Variants in XKR9 observed in about 807,000 individuals in gnomAD.
XKR9 encodes the protein XK-related protein 9.
A neutral mutation model predicts 32.0 loss-of-function variants in XKR9; 32 were observed. The ratio of observed to expected loss-of-function variants is 1.00; its 90% confidence interval spans 0.76 to 1.34. The LOEUF is 1.34. XKR9 is among the 40% of genes most tolerant of loss of function. XKR9 has a pLI of 0.00. For synonymous variants in XKR9, 168 were observed against 143.4 expected (o/e 1.17, Z -1.22); for missense variants, 546 against 429.7 (o/e 1.27, Z -2.39).
intron 2 of XKR9, among the ~76,000 whole-genome samples, chr8:70,768,710 G>T (rs1807411404): frequency 6.7e-6 from 1 of 149,144 alleles, no homozygotes; most frequent in Non-Finnish European, 1.5e-5. Flanking sequence ...GATCTTTGTT[G>T]GTTTAAAGTC....
At chr8:70,815,975 A>G in the XKR9 span, among the ~76,000 whole-genome samples, 2 of 152,066 alleles carry the variant, frequency 1.3e-5, no homozygotes, top group African/African-American at 4.8e-5. Flanking sequence ...TGTCTTTATA[A>G]TAGAACAATT....
downstream of XKR9, among the ~76,000 whole-genome samples, chr8:70,737,195 G>C (rs1261146543): frequency 6.8e-6 from 1 of 147,736 alleles, no homozygotes; most frequent in Non-Finnish European, 1.5e-5. Context: ...TCCCTTGTAA[G>C]TTGGATTCCT....
intron 3 of XKR9, among the ~76,000 whole-genome samples, chr8:70,704,257 A>C (rs752613850): frequency 2.0e-5 from 3 of 152,196 alleles, no homozygotes; most frequent in Non-Finnish European, 4.4e-5. Context: ...TATTGATTAA[A>C]AATTATATTC....
chr8:70,997,276 G>A, the XKR9 span, among the ~76,000 whole-genome samples: 12 of 151,638 alleles, frequency 7.9e-5, no homozygotes, highest in African/African-American at 2.7e-4. Context: ...CAACCTGGGC[G>A]ACAAGGGTGA....
At chr8:70,728,079 T>C (rs1157093462) in intron 4 of XKR9, among the ~76,000 whole-genome samples, 1 of 152,152 alleles carries the variant, frequency 6.6e-6, no homozygotes, top group Non-Finnish European at 1.5e-5. Flanking sequence ...CCTGTTATCT[T>C]TTTTTAAACT....
chr8:70,817,629 A>G, the XKR9 span, among the ~76,000 whole-genome samples: 1 of 152,286 alleles, frequency 6.6e-6, no homozygotes, highest in African/African-American at 2.4e-5. Flanking sequence ...AAAAAATTCT[A>G]AAATTCATAT....
intron 1 of XKR9, among the ~76,000 whole-genome samples, chr8:70,672,753 A>G (rs1224451116): frequency 6.6e-6 from 1 of 152,074 alleles, no homozygotes; most frequent in Non-Finnish European, 1.5e-5. Context: ...AATAACAGCT[A>G]TTCTAACTGG....
chr8:70,848,295 G>A, the XKR9 span, among the ~76,000 whole-genome samples: 1 of 151,716 alleles, frequency 6.6e-6, no homozygotes, highest in Non-Finnish European at 1.5e-5. Flanking sequence ...TGTCAAAATG[G>A]GTATAGAAGG....
At chr8:70,835,163 C>G in the XKR9 span, among the ~76,000 whole-genome samples, 1 of 151,976 alleles carries the variant, frequency 6.6e-6, no homozygotes, top group African/African-American at 2.4e-5. Context: ...AGTGTCAGCT[C>G]AAAGATCTTG....
At chr8:70,881,028 C>A in the XKR9 span, among the ~76,000 whole-genome samples, 1 of 152,080 alleles carries the variant, frequency 6.6e-6, no homozygotes, top group Admixed American at 6.6e-5. Flanking sequence ...GGAAAAGATT[C>A]CCTATTTAAT....
At chr8:70,826,258 C>A in the XKR9 span, among the ~76,000 whole-genome samples, 4 of 152,052 alleles carry the variant, frequency 2.6e-5, no homozygotes, top group Non-Finnish European at 5.9e-5. Context: ...CCGCAAAAAT[C>A]AGGAGATGAA....
intron 2 of XKR9, among the ~76,000 whole-genome samples, chr8:70,775,828 T>G (rs1401723511): frequency 6.6e-6 from 1 of 152,012 alleles, no homozygotes; most frequent in Non-Finnish European, 1.5e-5. Flanking sequence ...CACTGCAGCT[T>G]CGATTTTTTG....
At chr8:70,767,166 A>G (rs1807388295) in intron 2 of XKR9, among the ~76,000 whole-genome samples, 1 of 152,148 alleles carries the variant, frequency 6.6e-6, no homozygotes, top group African/African-American at 2.4e-5. Flanking sequence ...ATAGTTTCAG[A>G]AGGAATGGTA....
At chr8:70,682,084 T>C (rs1411563281) in intron 3 of XKR9, among the ~76,000 whole-genome samples, 1 of 152,162 alleles carries the variant, frequency 6.6e-6, no homozygotes, top group Non-Finnish European at 1.5e-5. Context: ...ATTATGTTTT[T>C]AATATGTAAA....
At chr8:70,906,431 CA>C in the XKR9 span, among the ~76,000 whole-genome samples, 1 of 152,132 alleles carries the variant, frequency 6.6e-6, no homozygotes, top group Non-Finnish European at 1.5e-5. Flanking sequence ...ACTGACAGGG[CA>C]AAATGAAAGA....
chr8:70,714,957 T>A (rs749872651), intron 4 of XKR9, among the ~76,000 whole-genome samples: 21 of 152,080 alleles, frequency 1.4e-4, no homozygotes, highest in Non-Finnish European at 2.9e-4. Context: ...TTAGTTTGAA[T>A]AGAGTGTAAT....
chr8:71,006,019 G>A, the XKR9 span, among the ~76,000 whole-genome samples: 1 of 152,260 alleles, frequency 6.6e-6, no homozygotes, highest in African/African-American at 2.4e-5. Flanking sequence ...GACTTGATGT[G>A]AAGTGAGCAG....
chr8:71,057,392 T>C, the XKR9 span, among the ~76,000 whole-genome samples: 3 of 152,186 alleles, frequency 2.0e-5, no homozygotes, highest in African/African-American at 7.2e-5. Flanking sequence ...AGCATTGTAT[T>C]TTCCAGTTGT....
intron 2 of XKR9, among the ~76,000 whole-genome samples, chr8:70,680,189 A>T (rs997225774): frequency 9.2e-5 from 14 of 152,156 alleles, no homozygotes; most frequent in Non-Finnish European, 2.1e-4. Flanking sequence ...AAGTGAGTTC[A>T]TACAAAGCTG....
Sources: gnomAD v4.1 joint callset for allele counts (sites outside exome capture counted in the v4.1 genomes callset) on GRCh38, gnomAD v4.1.1 for gene constraint, MANE v1.5 for transcripts, NCBI Gene and HGNC (gene_info 2026-07-23, HGNC 2026-07-21) for gene names.